CROCC2: variants seen among roughly 807,000 people sequenced by gnomAD.
CROCC2 encodes ciliary rootlet coiled-coil, rootletin family member 2.
A neutral mutation model predicts 177.6 loss-of-function variants in CROCC2; 163 were observed. That is an observed-to-expected ratio of 0.92 (90% CI 0.81 to 1.05). CROCC2 has a LOEUF of 1.05. Ranked by LOEUF, CROCC2 falls within the 50% of genes least tolerant of loss-of-function variation. CROCC2 has a pLI of 0.00. For missense variants in CROCC2, 1,929 were observed against 1,797.8 expected, an observed-to-expected ratio of 1.07 and a Z score of -1.32; for synonymous variants, 904 against 787.3, an observed-to-expected ratio of 1.15 and a Z score of -2.48.
chr2:240,957,881 T>A, intron 19 of CROCC2: 1 of 709,964 alleles, frequency 1.4e-6, no homozygotes, highest in Non-Finnish European at 1.7e-6. Context: ...GCCCAGCAGC[T>A]CTCTTGGCTC....
In CROCC2 at chr2:240,960,151, A is replaced by AC. The variant is rs1042190327; in HGVS notation, c.3087+710dup. On this transcript the variant is annotated intron_variant, in intron 20 of 31. Transcript: ENST00000690015. This position sits in a 1 kb window ranked among gnomAD's most constrained non-coding sequence, Gnocchi z 5.0. ...TGACCTGGGGCGAAGGGGAATTCGG[A>AC]CCCTTGGCCAAGAGGCCCATCGAGC... Among the ~76,000 whole-genome samples the AC allele has an allele frequency of 3.1e-4, 47 of 152,288 alleles. No individual in the cohort carries two copies. The highest frequency in any genetic ancestry group is 1.0e-3 in the African/African-American group (43 of 41,556).
chr2:240,966,127 C>T, intron 24 of CROCC2, 98 bp from the exon 25 acceptor site: 1 of 1,259,440 alleles, frequency 7.9e-7, no homozygotes, highest in Non-Finnish European at 1.0e-6. Flanking sequence ...GGCCGTCTCC[C>T]CAACCTCCCA....
At chr2:240,916,026 G>A (rs377477580) in intron 1 of CROCC2, among the ~76,000 whole-genome samples, 3 of 152,276 alleles carry the variant, frequency 2.0e-5, no homozygotes, top group African/African-American at 7.2e-5. Flanking sequence ...GGCCCAGAAG[G>A]ACCCACAGGT....
intron 1 of CROCC2, among the ~76,000 whole-genome samples, chr2:240,910,556 G>A (rs375377411): frequency 6.6e-6 from 1 of 152,168 alleles, no homozygotes; most frequent in East Asian, 1.9e-4. Flanking sequence ...TCGAGACAGG[G>A]GTTTCCCAGG....
At chr2:240,950,220 G>A (rs2059545371) in intron 17 of CROCC2, 114 bp from the exon 18 acceptor site, 1 of 1,079,330 alleles carries the variant, frequency 9.3e-7, no homozygotes, top group Non-Finnish European at 1.3e-6. Flanking sequence ...GGTCTGGACA[G>A]CCCCTGGGGT....
Position 240,933,359 on chromosome 2 carries a change from GTTGCACGGCC to G in CROCC2, c.1463+24_1463+33del, listed in dbSNP as rs1559595746. ...CCTGGGGAGGTAATGGGGTGAAGGG[GTTGCACGGCC>G]TTGCACAGGGTGTATGGGATCCTGA... On this transcript the variant is annotated intron_variant, in intron 10 of 31. Transcript: ENST00000690015. 2.0e-6 allele frequency: 3 copies of G among 1,494,574 alleles called. No homozygotes were observed. Among genetic ancestry groups the G allele is most frequent in the Non-Finnish European group, 2.7e-6 (3 of 1,124,848 alleles). 92.6% of individuals were successfully genotyped at this position (1,494,574 alleles called of 1,614,324 possible). A position where few individuals can be genotyped will look rare whatever the true frequency, so the allele number is the denominator to read the frequency against.
In CROCC2 at chr2:240,959,370, C is replaced by T. The variant is rs996531180; in HGVS notation, c.3013C>T (p.His1005Tyr). The T allele has an allele frequency of 1.4e-5, 21 of 1,550,366 alleles. No individual in the cohort carries two copies. In the African/African-American group the frequency reaches 2.9e-4, roughly 21 times the overall value. ...CCAGTTTGAGGATGCCATCACAGCC[C>T]ATCAGAGGGAGACCACGGCCCTACG... ...QAQFEDAITA[H>Y]QRETTALRES... is the part of the protein sequence containing the mutation. Residue 1005 changes from histidine (H) to tyrosine (Y), a missense_variant, in exon 20 of 32, where the codon CAT (histidine) becomes TAT (tyrosine). By Grantham distance (83) the His-to-Tyr change is moderately conservative (BLOSUM62 2). Coordinates refer to ENST00000690015, the MANE Select transcript of CROCC2 (RefSeq NM_001351305.2).
At chr2:240,983,916 C>T (rs1022876279) in intron 28 of CROCC2, among the ~76,000 whole-genome samples, 3 of 152,180 alleles carry the variant, frequency 2.0e-5, no homozygotes, top group African/African-American at 4.8e-5. Context: ...TGGAGATAGC[C>T]CCTCCCCAGG....
intron 28 of CROCC2, 50 bp from the exon 29 acceptor site, chr2:240,988,689 C>T: frequency 7.5e-7 from 1 of 1,333,538 alleles, no homozygotes; most frequent in Non-Finnish European, 9.7e-7. Flanking sequence ...CTGGCCTGAC[C>T]TCACTCCCTG....
At position 240,982,859 on chromosome 2, in the gene CROCC2, C is replaced by T; in HGVS notation, c.4402-21C>T. On this transcript the variant is annotated intron_variant, in intron 27 of 31. Coordinates refer to ENST00000690015, the MANE Select transcript of CROCC2 (RefSeq NM_001351305.2). This position sits in a 1 kb window ranked among gnomAD's most constrained non-coding sequence, Gnocchi z 4.7. Reference sequence around the variant, plus strand: ...CCACCCCCAGTGTCTCCAGGTGGACCCTGTGTCTCCTTCCCCCCAGGAGCA... The same window carrying T: ...CCACCCCCAGTGTCTCCAGGTGGACTCTGTGTCTCCTTCCCCCCAGGAGCA... 2 of 1,541,850 alleles carry T rather than the reference C, an allele frequency of 1.3e-6. No homozygotes were observed. The highest frequency in any genetic ancestry group is 1.2e-5 in the South Asian group (1 of 82,872).
chr2:240,983,529 G>C (rs147890026), intron 28 of CROCC2: 23 of 1,261,532 alleles, frequency 1.8e-5, no homozygotes, highest in Non-Finnish European at 1.6e-5. Context: ...CGCACCGAGC[G>C]GGCGCGTCTG....
intron 27 of CROCC2, chr2:240,981,810 C>G (rs2059802513): frequency 6.6e-6 from 1 of 151,980 alleles, no homozygotes. Context: ...ATTTCTCCCA[C>G]AAAACCCTCA....
chr2:240,961,860 A>G (rs569520544), intron 20 of CROCC2, among the ~76,000 whole-genome samples: 38,159 of 74,912 alleles, frequency 0.51, 12,926 homozygotes, highest in Non-Finnish European at 0.59. Flanking sequence ...ACACACGCAC[A>G]CACTCATCAC....
In CROCC2 at chr2:240,917,261, C is replaced by G. The variant is rs2059326858; in HGVS notation, c.79-1465C>G. ...GAATAGGGCCTCTCCAGGCGCCATGCTGAGCCTGGGTCTGCGGTGACTCTC... is the reference window on the plus strand; with the variant it reads ...GAATAGGGCCTCTCCAGGCGCCATGGTGAGCCTGGGTCTGCGGTGACTCTC... On this transcript the variant is annotated intron_variant, in intron 1 of 31. Coordinates refer to ENST00000690015, the MANE Select transcript of CROCC2 (RefSeq NM_001351305.2). This position sits in a 1 kb window ranked among gnomAD's most constrained non-coding sequence, Gnocchi z 4.9. Among the ~76,000 whole-genome samples the G allele has an allele frequency of 7.4e-6, 1 of 135,934 alleles. No homozygotes were observed. The allele number at this position is 135,934 out of a possible 152,430, so 89.2% of individuals were successfully genotyped here.
chr2:240,967,379 G>T lies in CROCC2; in HGVS notation c.4181G>T (p.Ser1394Ile). 1.2e-6 allele frequency: 1 copy of T among 807,826 alleles called. No individual in the cohort carries two copies. Among genetic ancestry groups the T allele is most frequent in the Non-Finnish European group, 2.1e-6 (1 of 469,434 alleles). 50.0% of individuals were successfully genotyped at this position (807,826 alleles called of 1,614,324 possible). ...DSRIQMATLSSRLSEAECRCA... is the reference protein window; with the variant it reads ...DSRIQMATLSIRLSEAECRCA... ...CGCATCCAGATGGCGACCCTGAGCA[G>T]CCGGCTGAGCGAGGCAGAGTGCAGG... The change falls in exon 26 of 32, where the codon AGC (serine) becomes ATC (isoleucine). Residue 1394 changes from serine (S) to isoleucine (I), a missense_variant. Around this residue, in one of 3 missense-constraint regions of CROCC2, gnomAD observed 388 missense variants for 352.7 expected, o/e 1.10. Transcript: ENST00000690015.
intron 6 of CROCC2, 94 bp from the exon 7 acceptor site, chr2:240,930,837 C>T: frequency 1.7e-6 from 1 of 603,998 alleles, no homozygotes; most frequent in Non-Finnish European, 3.0e-6. Context: ...CTGACGATGG[C>T]CAAGGAGGGG....
intron 18 of CROCC2, among the ~76,000 whole-genome samples, chr2:240,951,943 G>C (rs1234365881): frequency 6.6e-6 from 1 of 152,194 alleles, no homozygotes; most frequent in Non-Finnish European, 1.5e-5. Flanking sequence ...AGTCTAGGCT[G>C]TTCCAGTATA....
Position 240,935,026 on chromosome 2 carries a change from T to C in CROCC2, c.1902T>C (p.Ala634=). Residue 634 remains alanine, a synonymous_variant, in exon 13 of 32, where the codon GCT becomes GCC. Transcript: ENST00000690015. ...TGGCCGCCTTGATGGAGGGGTTGGC[T>C]CAGGACAAAAGTGCCCTGAACCACC... ...AAMAALMEGL[A]QDKSALNHLA... is the part of the protein sequence containing the mutation. 1.4e-6 allele frequency: 2 copies of C among 1,418,278 alleles called. No individual in the cohort carries two copies. Among genetic ancestry groups the C allele is most frequent in the Non-Finnish European group, 1.8e-6 (2 of 1,081,462 alleles). The allele number at this position is 1,418,278 out of a possible 1,614,324, so 87.9% of individuals were successfully genotyped here.
chr2:240,934,540 G>C (rs1162876037), intron 12 of CROCC2, 65 bp downstream of exon 12: 4 of 1,405,670 alleles, frequency 2.8e-6, no homozygotes, highest in Non-Finnish European at 3.8e-6. Flanking sequence ...TGGCCTCACT[G>C]ACCTGGCCTC....
Sources: gnomAD v4.1 joint callset for allele counts (sites outside exome capture counted in the v4.1 genomes callset) on GRCh38, gnomAD v4.1.1 for gene constraint, gnomAD v4.1.1 regional missense constraint, Gnocchi (gnomAD v3.1) non-coding constraint, MANE v1.5 for transcripts, NCBI Gene and HGNC (gene_info 2026-07-23, HGNC 2026-07-21) for gene names.